TEDC2: variants seen among roughly 807,000 people sequenced by gnomAD.
TEDC2 encodes tubulin epsilon and delta complex 2.
Under a neutral mutation model 48.1 loss-of-function variants are expected in TEDC2, and 49 were observed. That is an observed-to-expected ratio of 1.02 (90% CI 0.81 to 1.29). The LOEUF is 1.29. Among genes scored for constraint, TEDC2 ranks in the 50% most tolerant of loss-of-function variants. The pLI is 0.00. For missense variants in TEDC2, 631 were observed against 571.4 expected (o/e 1.10, Z -1.06); for synonymous variants, 299 against 247.1 (o/e 1.21, Z -1.97).
Position 2,463,242 on chromosome 16 carries a change from A to G in TEDC2, c.964+510A>G, listed in dbSNP as rs190533603. Among the ~76,000 whole-genome samples the G allele has an allele frequency of 3.9e-3, 590 of 152,088 alleles. 3 individuals are homozygous for G. The highest frequency in any genetic ancestry group is 5.6e-3 in the Non-Finnish European group (379 of 67,976). ...AGGCTGAGGCAGGAGAATGGCGTGA[A>G]CCCAGGAGGAGGAGCTTGCAGTGAG... On this transcript the variant is annotated intron_variant, in intron 8 of 9. Transcript: ENST00000361837.
chr16:2,461,528 C>T, intron 4 of TEDC2: 1 of 643,012 alleles, frequency 1.6e-6, no homozygotes, highest in Non-Finnish European at 2.6e-6. Context: ...TCACAGGGCC[C>T]CGCTCACAGG....
rs747346911 is a variant in TEDC2 at position 2,460,974 on chromosome 16, G to T, written c.355G>T (p.Ala119Ser). 5.6e-6 allele frequency: 9 copies of T among 1,613,390 alleles called. No homozygotes were observed. The highest frequency in any genetic ancestry group is 7.6e-6 in the Non-Finnish European group (9 of 1,180,008). The change falls in exon 4 of 10, where the codon GCC (alanine) becomes TCC (serine). Residue 119 changes from alanine to serine, a missense_variant. Physicochemically the swap from Ala to Ser is moderately conservative, Grantham distance 99. Coordinates refer to ENST00000361837, the MANE Select transcript of TEDC2 (RefSeq NM_025108.3). ...CATTGTCACCTCTTCTGGCACGACA[G>T]CCTCCGCCCCACCGCATTCCCCAGG... ...RSIVTSSGTT[A>S]SAPPHSPGQA...
In TEDC2 at chr16:2,460,958, C is replaced by G; in HGVS notation, c.339C>G (p.Thr113=). The part of the protein sequence containing the change: ...APSLKSRSIV[T]SSGTTASAPP... ...GCCTGAAATCTAGGTCCATTGTCAC[C>G]TCTTCTGGCACGACAGCCTCCGCCC... Residue 113 remains threonine, a synonymous_variant, in exon 4 of 10, where the codon ACC becomes ACG. Coordinates refer to ENST00000361837, the MANE Select transcript of TEDC2 (RefSeq NM_025108.3). 1 of 1,613,452 alleles carries G rather than the reference C, an allele frequency of 6.2e-7. No homozygotes were observed.
At position 2,462,179 on chromosome 16, in the gene TEDC2, C is replaced by G; in HGVS notation, c.690C>G (p.Thr230=). 6.2e-7 allele frequency: 1 copy of G among 1,613,368 alleles called. No homozygotes were observed. The part of the protein sequence containing the change: ...SLWAQLSSTQ[T]SDSTDAAAAK... ...GGGCCCAGCTCAGTTCCACACAGAC[C>G]AGTGATTCCACGGATGCCGCCGCTG... Residue 230 remains threonine, a synonymous_variant, in exon 6 of 10, where the codon ACC becomes ACG. Transcript: ENST00000361837.
intron 8 of TEDC2, 96 bp downstream of exon 8, chr16:2,462,828 C>A: frequency 8.4e-7 from 1 of 1,196,938 alleles, no homozygotes; most frequent in Non-Finnish European, 1.1e-6. Flanking sequence ...GAAGGGTGAG[C>A]AGCCCAGGGA....
intron 4 of TEDC2, 121 bp downstream of exon 4, chr16:2,461,345 C>T (rs1275790479): frequency 7.8e-7 from 1 of 1,276,448 alleles, no homozygotes; most frequent in Admixed American, 3.2e-5. Flanking sequence ...GTGGCATACC[C>T]CTGAGGCTCA....
At chr16:2,463,610 G>C (rs1485763768) in intron 8 of TEDC2, among the ~76,000 whole-genome samples, 1 of 150,506 alleles carries the variant, frequency 6.6e-6, no homozygotes, top group Non-Finnish European at 1.5e-5. Flanking sequence ...CTGGGTGACA[G>C]AGTGAGACTC....
At chr16:2,464,011 C>G (rs372529217) in intron 8 of TEDC2, 28 bp from the exon 9 acceptor site, 2 of 1,591,086 alleles carry the variant, frequency 1.3e-6, no homozygotes, top group African/African-American at 2.7e-5. Flanking sequence ...GCTGCTACCC[C>G]AAAGGCCACA....
Position 2,464,376 on chromosome 16 carries a change from T to C in TEDC2, c.1156-146T>C. 3 of 1,328,786 alleles carry C rather than the reference T, an allele frequency of 2.3e-6. No homozygotes were observed. In the South Asian group the frequency reaches 4.2e-5, roughly 19 times the overall value. 82.3% of individuals were successfully genotyped at this position (1,328,786 alleles called of 1,614,324 possible). On this transcript the variant is annotated intron_variant, in intron 9 of 9. Coordinates refer to ENST00000361837, the MANE Select transcript of TEDC2 (RefSeq NM_025108.3). ...GTGTGTGGGTTGGGAAGTGCATGGG[T>C]CAGACGGGGCTGGGACGGCAGGAGG...
intron 8 of TEDC2, 109 bp downstream of exon 8, chr16:2,462,841 A>G (rs1024298298): frequency 9.4e-7 from 1 of 1,068,650 alleles, no homozygotes; most frequent in Admixed American, 2.7e-5. Flanking sequence ...CCCAGGGACC[A>G]GATGCAAGTT....
intron 5 of TEDC2, 26 bp downstream of exon 5, chr16:2,461,826 G>A (rs753278822): frequency 8.1e-6 from 13 of 1,613,058 alleles, no homozygotes; most frequent in Admixed American, 1.7e-5. Context: ...TTGGCTGGAC[G>A]GGGGTAGGGG....
chr16:2,464,840 T>G lies in TEDC2; in HGVS notation c.*172T>G, dbSNP rs1368392267. On this transcript the variant is annotated 3_prime_UTR_variant, in exon 10 of 10. Coordinates refer to ENST00000361837, the MANE Select transcript of TEDC2 (RefSeq NM_025108.3). ...ACTAAGCCTGCTGGTCAGGGCTGGC[T>G]TTCAGCCTTCCTAAGGCTCCTGGAC... 1.1e-6 allele frequency: 1 copy of G among 938,926 alleles called. No individual in the cohort carries two copies. Among genetic ancestry groups the G allele is most frequent in the Non-Finnish European group, 1.6e-6 (1 of 644,102 alleles). 58.2% of individuals were successfully genotyped at this position (938,926 alleles called of 1,614,324 possible).
chr16:2,461,888 G>C, intron 5 of TEDC2, 88 bp downstream of exon 5: 3 of 1,497,860 alleles, frequency 2.0e-6, no homozygotes, highest in Non-Finnish European at 2.8e-6. Context: ...ACTTTCCAGT[G>C]GGTCTCTTTG....
intron 9 of TEDC2, 119 bp downstream of exon 9, chr16:2,464,348 T>A (rs2065486964): frequency 1.2e-5 from 16 of 1,384,498 alleles, no homozygotes; most frequent in Non-Finnish European, 1.5e-5. Flanking sequence ...GCCTGGGGTC[T>A]GTGTGTGTGG....
intron 9 of TEDC2, 127 bp downstream of exon 9, chr16:2,464,356 T>C (rs929015920): frequency 2.9e-6 from 4 of 1,372,976 alleles, no homozygotes; most frequent in Admixed American, 2.1e-5. Context: ...TCTGTGTGTG[T>C]GGGTTGGGAA....
intron 5 of TEDC2, 30 bp downstream of exon 5, chr16:2,461,830 G>C: frequency 6.2e-7 from 1 of 1,613,048 alleles, no homozygotes; most frequent in Non-Finnish European, 8.5e-7. Context: ...CTGGACGGGG[G>C]TAGGGGAGAA....
At chr16:2,462,822 GGTGA>G in intron 8 of TEDC2, 90 bp downstream of exon 8, 1 of 1,256,024 alleles carries the variant, frequency 8.0e-7, no homozygotes. Context: ...CTCAGGGAAG[GGTGA>G]GCAGCCCAGG....
intron 4 of TEDC2, 118 bp downstream of exon 4, chr16:2,461,342 A>G (rs2065465688): frequency 3.9e-6 from 5 of 1,283,636 alleles, no homozygotes; most frequent in Middle Eastern, 2.7e-4. Context: ...CCTGTGGCAT[A>G]CCCCTGAGGC....
rs372852875 is a variant in TEDC2 at position 2,464,026 on chromosome 16, C to T, written c.965-13C>T. The stretch of plus-strand genomic sequence containing the variant: ...GCTGCTACCCCAAAGGCCACATTCT[C>T]CTGTGCACACAGCGGTGGCGGAACA... On this transcript the variant is annotated splice_polypyrimidine_tract_variant and intron_variant, in intron 8 of 9. Coordinates refer to ENST00000361837, the MANE Select transcript of TEDC2 (RefSeq NM_025108.3). 21 of 1,609,458 alleles carry T rather than the reference C, an allele frequency of 1.3e-5. No individual in the cohort carries two copies. The highest frequency in any genetic ancestry group is 1.7e-5 in the Non-Finnish European group (20 of 1,177,548).
Sources: gnomAD v4.1 joint callset for allele counts (sites outside exome capture counted in the v4.1 genomes callset) on GRCh38, gnomAD v4.1.1 for gene constraint, MANE v1.5 for transcripts, NCBI Gene and HGNC (gene_info 2026-07-23, HGNC 2026-07-21) for gene names.